The following PCDH9 variants were observed in gnomAD, a reference collection of about 807,000 sequenced individuals.
PCDH9 encodes the protein protocadherin 9.
In PCDH9, 24 loss-of-function variants were observed where a neutral mutation model predicts 70.6. The observed-to-expected ratio is 0.34, with a 90% confidence interval of 0.25 to 0.48. The LOEUF is 0.48. Among genes scored for constraint, PCDH9 ranks in the 20% least tolerant of loss-of-function variants. The probability of loss-of-function intolerance (pLI) is 0.99; values close to 1 mark genes in which losing one functional copy is unlikely to be tolerated. For synonymous variants in PCDH9, 562 were observed against 558.5 expected, an observed-to-expected ratio of 1.01 and a Z score of -0.09; for missense variants, 1,281 against 1,503.6, an observed-to-expected ratio of 0.85 and a Z score of 2.45.
chr13:67,224,730 CTTTTTT>C (rs200944675), intron 2 of PCDH9: 10 of 527,894 alleles, frequency 1.9e-5, no homozygotes, highest in Admixed American at 7.4e-5. Context: ...AGCAAGCATT[CTTTTTT>C]TTTTTTTTTT....
chr13:66,599,312 A>C (rs2077137979), intron 4 of PCDH9, among the ~76,000 whole-genome samples: 1 of 151,648 alleles, frequency 6.6e-6, no homozygotes, highest in Admixed American at 6.6e-5. Flanking sequence ...AATTGAAGAG[A>C]TTTTGAATGT....
At chr13:66,857,895 C>T (rs1486806136) in intron 3 of PCDH9, among the ~76,000 whole-genome samples, 1 of 152,206 alleles carries the variant, frequency 6.6e-6, no homozygotes, top group African/African-American at 2.4e-5. Flanking sequence ...ACAGCAGTAT[C>T]CCCAAAGCCT....
At chr13:67,215,856 A>C (rs1420349376) in intron 2 of PCDH9, 1 of 152,164 alleles carries the variant, frequency 6.6e-6, no homozygotes, top group Non-Finnish European at 1.5e-5. Flanking sequence ...TTGTGGGTTC[A>C]GTGTTAGAAA....
At chr13:66,738,386 T>C (rs1222808543) in intron 3 of PCDH9, among the ~76,000 whole-genome samples, 1 of 151,326 alleles carries the variant, frequency 6.6e-6, no homozygotes, top group Non-Finnish European at 1.5e-5. Context: ...ACCACAAAGA[T>C]GGGGAAAAAA....
At chr13:66,587,793 T>A (rs2076983263) in intron 4 of PCDH9, among the ~76,000 whole-genome samples, 1 of 145,242 alleles carries the variant, frequency 6.9e-6, no homozygotes, top group Non-Finnish European at 1.5e-5. Context: ...GCAGGATTAT[T>A]AAAAAAAAAA....
intron 4 of PCDH9, among the ~76,000 whole-genome samples, chr13:66,344,422 G>C (rs763951130): frequency 7.2e-5 from 11 of 152,034 alleles, no homozygotes; most frequent in African/African-American, 2.2e-4. Flanking sequence ...TACCATGCCC[G>C]GCCAATAAAG....
At chr13:66,829,706 A>G (rs1488130908) in intron 3 of PCDH9, among the ~76,000 whole-genome samples, 1 of 115,336 alleles carries the variant, frequency 8.7e-6, no homozygotes, top group African/African-American at 3.2e-5. Flanking sequence ...CGACAGAGCG[A>G]GACTCCGTCT....
At chr13:67,208,880 A>G (rs762086187) in intron 2 of PCDH9, 33 of 152,190 alleles carry the variant, frequency 2.2e-4, no homozygotes, top group Non-Finnish European at 4.9e-4. Flanking sequence ...TGATGTTGAC[A>G]TTGCCACCTT....
At position 66,776,488 on chromosome 13, in the gene PCDH9, G is replaced by A. The variant is rs560974035; in HGVS notation, c.3138+127016C>T. On this transcript the variant is annotated intron_variant, in intron 3 of 4. Transcript: ENST00000377865. ...CAAGCATTCTTATACCCCAATAACAGACAAATAGAGAGCCAAATCATGAGT... is the reference window on the plus strand; with the variant it reads ...CAAGCATTCTTATACCCCAATAACAAACAAATAGAGAGCCAAATCATGAGT... Among the ~76,000 whole-genome samples the A allele has an allele frequency of 3.3e-5, 5 of 151,008 alleles. No individual in the cohort carries two copies. In the East Asian group the frequency reaches 9.9e-4, roughly 30 times the overall value.
intron 2 of PCDH9, among the ~76,000 whole-genome samples, chr13:67,146,874 A>G (rs926708169): frequency 6.6e-6 from 1 of 152,176 alleles, no homozygotes; most frequent in Non-Finnish European, 1.5e-5. Context: ...TAAATATTGA[A>G]GTTTTCTTCC....
intron 3 of PCDH9, among the ~76,000 whole-genome samples, chr13:66,646,994 G>C (rs1417826730): frequency 2.0e-5 from 3 of 152,144 alleles, no homozygotes; most frequent in Admixed American, 6.6e-5. Flanking sequence ...CAGTGCCCAT[G>C]GAGAGAACAT....
At chr13:66,916,842 A>C (rs2082565858) in intron 2 of PCDH9, among the ~76,000 whole-genome samples, 1 of 151,552 alleles carries the variant, frequency 6.6e-6, no homozygotes, top group Non-Finnish European at 1.5e-5. Flanking sequence ...TATTCAAATA[A>C]AGAGCTAAAC....
At chr13:66,398,485 G>T (rs1028841012) in intron 4 of PCDH9, among the ~76,000 whole-genome samples, 1 of 151,930 alleles carries the variant, frequency 6.6e-6, no homozygotes, top group Non-Finnish European at 1.5e-5. Context: ...ACATATCCCC[G>T]TTAGGGTTTC....
At chr13:67,172,858 A>G (rs2088332586) in intron 2 of PCDH9, among the ~76,000 whole-genome samples, 1 of 137,500 alleles carries the variant, frequency 7.3e-6, no homozygotes, top group African/African-American at 2.7e-5. Flanking sequence ...AGCCTGGGAG[A>G]CAGAGCGAGA....
intron 4 of PCDH9, among the ~76,000 whole-genome samples, chr13:66,352,716 G>A (rs925438068): frequency 3.9e-5 from 6 of 152,122 alleles, no homozygotes; most frequent in African/African-American, 1.4e-4. Flanking sequence ...TTCAACATAT[G>A]AATTTTGAGT....
At chr13:66,980,800 A>C (rs970535804) in intron 2 of PCDH9, among the ~76,000 whole-genome samples, 5 of 129,910 alleles carry the variant, frequency 3.8e-5, no homozygotes, top group African/African-American at 1.5e-4. Context: ...ACCCAGTAGG[A>C]GCTTATAAAT....
chr13:66,457,525 T>G (rs1274100899), intron 4 of PCDH9, among the ~76,000 whole-genome samples: 1 of 152,104 alleles, frequency 6.6e-6, no homozygotes, highest in East Asian at 1.9e-4. Flanking sequence ...ACATAATTTT[T>G]AAGAGTATAA....
intron 3 of PCDH9, among the ~76,000 whole-genome samples, chr13:66,650,390 T>A (rs1347608158): frequency 6.6e-6 from 1 of 152,024 alleles, no homozygotes. Context: ...AAGAGCATTA[T>A]ATAATGATAA....
At chr13:66,797,955 T>TGG (rs138119710) in intron 3 of PCDH9, among the ~76,000 whole-genome samples, 1 of 150,668 alleles carries the variant, frequency 6.6e-6, no homozygotes. Flanking sequence ...TTTTGTTTCT[T>TGG]GGGGGGTGTG....
Sources: allele counts gnomAD v4.1 joint callset (sites outside exome capture counted in the v4.1 genomes callset), GRCh38; gene constraint gnomAD v4.1.1; transcripts MANE v1.5; gene names NCBI Gene and HGNC (gene_info 2026-07-23, HGNC 2026-07-21).